Variants in TENM1 observed in about 807,000 individuals in gnomAD.
The protein encoded by TENM1 is teneurin transmembrane protein 1, also known as teneurin-1.
A neutral mutation model predicts 174.8 loss-of-function variants in TENM1; 35 were observed. That is an observed-to-expected ratio of 0.20 (90% CI 0.15 to 0.27). The LOEUF (loss-of-function observed/expected upper bound fraction) is 0.27. Among genes scored for constraint, TENM1 ranks in the 10% least tolerant of loss-of-function variants. The probability of loss-of-function intolerance (pLI) is 1.00; values close to 1 mark genes in which losing one functional copy is unlikely to be tolerated. For synonymous variants in TENM1, 781 were observed against 798.7 expected, an observed-to-expected ratio of 0.98 and a Z score of 0.37; for missense variants, 1,633 against 2,130.1, an observed-to-expected ratio of 0.77 and a Z score of 4.59.
intron 5 of TENM1, among the ~76,000 whole-genome samples, chrX:124,680,855 C>T (rs142832224): frequency 0.012 from 1,278 of 110,489 alleles, 16 homozygotes; most frequent in African/African-American, 0.039. Context: ...GGGAGTTTCT[C>T]AGATTCCTAA....
At chrX:124,452,042 A>G (rs1347765558) in intron 23 of TENM1, among the ~76,000 whole-genome samples, 1 of 112,398 alleles carries the variant, frequency 8.9e-6, no homozygotes, top group African/African-American at 3.2e-5. Context: ...TAAACTAAAG[A>G]GCTTCTGCAC....
chrX:124,568,638 T>C (rs1213888810), intron 11 of TENM1, among the ~76,000 whole-genome samples: 1 of 111,660 alleles, frequency 9.0e-6, no homozygotes, highest in Non-Finnish European at 1.9e-5. Flanking sequence ...TAATTTTTAC[T>C]ATTCCCTTCT....
the TENM1 span, among the ~76,000 whole-genome samples, chrX:125,119,355 T>C: frequency 1.8e-5 from 2 of 111,925 alleles, no homozygotes; most frequent in Non-Finnish European, 3.8e-5. Flanking sequence ...AAAAGGATTA[T>C]GTAAAAACAA....
intron 1 of TENM1, among the ~76,000 whole-genome samples, chrX:124,947,736 CT>C (rs1213865954): frequency 8.9e-6 from 1 of 111,926 alleles, no homozygotes; most frequent in Admixed American, 9.5e-5. Context: ...TCACCAGAGA[CT>C]GATTTTTGTT....
chrX:125,124,692 A>G, the TENM1 span, among the ~76,000 whole-genome samples: 1 of 112,531 alleles, frequency 8.9e-6, no homozygotes, highest in Non-Finnish European at 1.9e-5. Flanking sequence ...AAGACAGGTA[A>G]GTAAAAGGCA....
intron 11 of TENM1, among the ~76,000 whole-genome samples, chrX:124,586,459 C>G (rs2049516578): frequency 9.0e-6 from 1 of 110,572 alleles, no homozygotes; most frequent in Non-Finnish European, 1.9e-5. Context: ...TCAATAGATG[C>G]AGAAAAGGCC....
At chrX:124,987,404 T>C in the TENM1 span, among the ~76,000 whole-genome samples, 2 of 111,599 alleles carry the variant, frequency 1.8e-5, no homozygotes, top group South Asian at 3.8e-4. Context: ...GAAAAATCTA[T>C]TGGGTCAAAG....
chrX:124,462,428 GT>G lies in TENM1; in HGVS notation c.3950-8938del, dbSNP rs1424588694. Among the ~76,000 whole-genome samples, 719 of 82,053 alleles carry G rather than the reference GT, an allele frequency of 8.8e-3. 19 individuals carry two copies. Among genetic ancestry groups the G allele is most frequent in the African/African-American group, 0.035 (670 of 19,264 alleles). The allele number at this position is 82,053 out of a possible 115,157, so 71.3% of individuals were successfully genotyped here. A position where few individuals can be genotyped will look rare whatever the true frequency, so the allele number is the denominator to read the frequency against. On this transcript the variant is annotated intron_variant, in intron 22 of 31. Coordinates refer to ENST00000422452, the Ensembl canonical transcript of TENM1. ...TAAGCTATTGAGATACTGTGTGTGT[GT>G]GTGGGGGGGGTGGGGGTGGGGGGGA...
At chrX:124,681,655 G>T (rs900424343) in intron 5 of TENM1, among the ~76,000 whole-genome samples, 1 of 111,317 alleles carries the variant, frequency 9.0e-6, no homozygotes, top group Non-Finnish European at 1.9e-5. Context: ...CTGGAGCCAA[G>T]GTTTCTTGGT....
intron 6 of TENM1, among the ~76,000 whole-genome samples, chrX:124,668,941 T>G (rs144051748): frequency 0.017 from 1,847 of 111,775 alleles, 44 homozygotes; most frequent in African/African-American, 0.057. Context: ...GACCAAACTT[T>G]AAAGAGAGAA....
chrX:124,607,070 G>T (rs2050176804), intron 11 of TENM1, among the ~76,000 whole-genome samples: 1 of 110,222 alleles, frequency 9.1e-6, no homozygotes. Context: ...AGACAAAATG[G>T]TGGGCATTTG....
At chrX:124,379,844 C>T (rs2060137549) in exon 32 of TENM1, 1 of 111,923 alleles carries the variant, frequency 8.9e-6, no homozygotes, top group African/African-American at 3.3e-5. Context: ...TGGCCAGCTG[C>T]TTTGGTATCA....
chrX:124,530,358 C>T (rs1353930591), intron 15 of TENM1, among the ~76,000 whole-genome samples: 1 of 110,241 alleles, frequency 9.1e-6, no homozygotes, highest in Non-Finnish European at 1.9e-5. Flanking sequence ...TTTTTTCTGC[C>T]TTAAATTTCT....
chrX:124,574,032 T>C (rs2049111736), intron 11 of TENM1, among the ~76,000 whole-genome samples: 1 of 112,369 alleles, frequency 8.9e-6, no homozygotes, highest in African/African-American at 3.2e-5. Context: ...CTACAAAATA[T>C]GACAAAAGAA....
chrX:124,554,501 T>C (rs773343094), intron 14 of TENM1, among the ~76,000 whole-genome samples: 1 of 112,178 alleles, frequency 8.9e-6, no homozygotes, highest in Non-Finnish European at 1.9e-5. Context: ...AATAAATGGG[T>C]TGCTTCAAAA....
chrX:124,611,500 T>C (rs1285101344), intron 11 of TENM1, among the ~76,000 whole-genome samples: 1 of 111,930 alleles, frequency 8.9e-6, no homozygotes, highest in Non-Finnish European at 1.9e-5. Flanking sequence ...TCCTTGTTTC[T>C]TTGGAAGCTC....
intron 15 of TENM1, among the ~76,000 whole-genome samples, chrX:124,531,398 G>A (rs2048103684): frequency 9.0e-6 from 1 of 111,065 alleles, no homozygotes; most frequent in Non-Finnish European, 1.9e-5. Flanking sequence ...AGAGTTGGTT[G>A]TATATGTTTT....
chrX:124,580,795 C>T (rs1272342068), intron 11 of TENM1, among the ~76,000 whole-genome samples: 4 of 110,010 alleles, frequency 3.6e-5, no homozygotes, highest in African/African-American at 1.3e-4. Flanking sequence ...TGCATAATGC[C>T]GAGGTTTGGG....
exon 28 of TENM1, chrX:124,392,092 C>G (rs1364382731): frequency 2.2e-5 from 27 of 1,208,141 alleles, no homozygotes; most frequent in Non-Finnish European, 2.9e-5. Flanking sequence ...CCCATCAGCC[C>G]AAGTTCTTGA....
Sources: allele counts gnomAD v4.1 joint callset (sites outside exome capture counted in the v4.1 genomes callset), GRCh38; gene constraint gnomAD v4.1.1; transcripts MANE v1.5; gene names NCBI Gene and HGNC (gene_info 2026-07-23, HGNC 2026-07-21).